The following RIC3 variants were observed in gnomAD, a reference collection of about 807,000 sequenced individuals.
RIC3 encodes the protein protein RIC-3.
RIC3 carries 28 observed loss-of-function variants against 27.3 expected under a neutral mutation model. That is an observed-to-expected ratio of 1.02 (90% CI 0.76 to 1.41). The LOEUF (loss-of-function observed/expected upper bound fraction) is 1.41. RIC3 is among the 40% of genes most tolerant of loss of function. RIC3 has a pLI of 0.00. For synonymous variants in RIC3, 184 were observed against 160.4 expected, an observed-to-expected ratio of 1.15 and a Z score of -1.11; for missense variants, 501 against 444.7, an observed-to-expected ratio of 1.13 and a Z score of -1.14.
chr11:8,139,835 G>A, intron 2 of RIC3, 132 bp downstream of exon 2: 2 of 756,432 alleles, frequency 2.6e-6, no homozygotes, highest in East Asian at 2.7e-5. Context: ...CTCATGAAGA[G>A]GAGGCAGGAT....
chr11:8,106,698 T>G lies in RIC3; in HGVS notation c.*4000A>C, dbSNP rs928085910. On this transcript the variant is annotated 3_prime_UTR_variant, in exon 6 of 6. Coordinates refer to ENST00000309737, the MANE Select transcript of RIC3 (RefSeq NM_001206671.4). ...GAGATGCTTAGGAATCTTTTTTTGT[T>G]GCCGGGCAGCTGTGGCAGATTTGAA... The G allele has an allele frequency of 5.9e-5, 9 of 152,360 alleles. No individual in the cohort carries two copies. The East Asian group carries it at 1.7e-3, about 29-fold the overall frequency. The allele number at this position is 152,360 out of a possible 1,614,324, so 9.4% of individuals were successfully genotyped here. A position where few individuals can be genotyped will look rare whatever the true frequency, so the allele number is the denominator to read the frequency against.
intron 1 of RIC3, among the ~76,000 whole-genome samples, chr11:8,168,508 A>G (rs1400556145): frequency 6.6e-6 from 1 of 152,200 alleles, no homozygotes; most frequent in East Asian, 1.9e-4. Flanking sequence ...AGGGAAACCC[A>G]ACTGGGAACC....
At chr11:8,157,663 G>A (rs924126748) in intron 1 of RIC3, among the ~76,000 whole-genome samples, 1 of 152,160 alleles carries the variant, frequency 6.6e-6, no homozygotes, top group Admixed American at 6.5e-5. Context: ...GACCTGATTT[G>A]GATGAATTAT....
At chr11:8,168,088 T>C (rs1951889011) in intron 1 of RIC3, among the ~76,000 whole-genome samples, 1 of 152,148 alleles carries the variant, frequency 6.6e-6, no homozygotes, top group Admixed American at 6.5e-5. Context: ...ACAAGGATAA[T>C]TTACAGGAGA....
intron 4 of RIC3, among the ~76,000 whole-genome samples, chr11:8,128,971 G>C (rs989149410): frequency 6.6e-6 from 1 of 151,712 alleles, no homozygotes; most frequent in Non-Finnish European, 1.5e-5. Context: ...AGCCAGGATG[G>C]TCTCAATCTC....
chr11:8,146,114 C>A (rs1949649865), intron 1 of RIC3, among the ~76,000 whole-genome samples: 1 of 152,104 alleles, frequency 6.6e-6, no homozygotes, highest in South Asian at 2.1e-4. Context: ...TTTGCTGTGA[C>A]AATAGTGTAG....
the RIC3 span, chr11:8,093,964 CTGGGG>C: frequency 1.1e-4 from 173 of 1,562,690 alleles, no homozygotes; most frequent in Non-Finnish European, 1.5e-4. Flanking sequence ...AAATGCTGTG[CTGGGG>C]ACTGTGTTCA....
the RIC3 span, among the ~76,000 whole-genome samples, chr11:8,099,698 A>C: frequency 6.6e-6 from 1 of 152,236 alleles, no homozygotes; most frequent in African/African-American, 2.4e-5. Context: ...CACTAAGAAG[A>C]AAAAGTAGGG....
chr11:8,126,338 G>T (rs1946988690), intron 5 of RIC3, among the ~76,000 whole-genome samples: 1 of 152,186 alleles, frequency 6.6e-6, no homozygotes, highest in Non-Finnish European at 1.5e-5. Flanking sequence ...AGAAGCCAAT[G>T]AGTATATGCA....
the RIC3 span, chr11:8,097,090 C>T: frequency 1.0e-6 from 1 of 959,942 alleles, no homozygotes; most frequent in Non-Finnish European, 1.6e-6. Context: ...GACCCCAGGC[C>T]CAGGCTGGCC....
chr11:8,111,948 G>A lies in RIC3; in HGVS notation c.671-811C>T, dbSNP rs187509908. On this transcript the variant is annotated intron_variant, in intron 5 of 5. Transcript: ENST00000309737. The stretch of plus-strand genomic sequence containing the variant: ...CACACCAGTACTGGCACCAGCGGCC[G>A]TAATCACGATACAGTGCAGAAAGCT... Among the ~76,000 whole-genome samples, 754 of 152,358 alleles carry A rather than the reference G, an allele frequency of 4.9e-3. 6 individuals carry two copies. The highest frequency in any genetic ancestry group is 6.2e-3 in the Non-Finnish European group (421 of 68,032).
downstream of RIC3, chr11:8,101,357 G>T: frequency 2.4e-6 from 3 of 1,251,816 alleles, no homozygotes; most frequent in Non-Finnish European, 3.4e-6. Context: ...ACTTCCCTTT[G>T]TGATTCCCCT....
rs574353354 is a variant in RIC3 at position 8,119,463 on chromosome 11, A to G, written c.670+7196T>C. 4.6e-5 allele frequency among the ~76,000 whole-genome samples: 7 copies of G among 152,350 alleles called. No homozygotes were observed. The East Asian group carries it at 1.3e-3, about 29-fold the overall frequency. On this transcript the variant is annotated intron_variant, in intron 5 of 5. Transcript: ENST00000309737. ...ACGGGGAAAGCATTCCCTATTTAATAAATGGTGCTGGGAAAACTGGCTAGC... is the reference window on the plus strand; with the variant it reads ...ACGGGGAAAGCATTCCCTATTTAATGAATGGTGCTGGGAAAACTGGCTAGC...
chr11:8,105,469 A>C (rs995140769), downstream of RIC3: 5 of 150,298 alleles, frequency 3.3e-5, no homozygotes, highest in Admixed American at 6.7e-5. Context: ...CGGGAGGGGC[A>C]GAACAGATAG....
chr11:8,140,377 G>A (rs1174395896), intron 1 of RIC3, among the ~76,000 whole-genome samples, 184 bp from the exon 2 acceptor site: 2 of 152,144 alleles, frequency 1.3e-5, no homozygotes, highest in African/African-American at 4.8e-5. Context: ...ATCTCTAGCT[G>A]TTCACCAAAC....
chr11:8,138,134 C>A, intron 3 of RIC3, 138 bp downstream of exon 3: 1 of 589,682 alleles, frequency 1.7e-6, no homozygotes. Context: ...ATTCCCAGAA[C>A]TAAGGCAAAA....
intron 1 of RIC3, among the ~76,000 whole-genome samples, chr11:8,141,805 G>T (rs1034143116): frequency 2.0e-5 from 3 of 152,012 alleles, no homozygotes; most frequent in African/African-American, 7.3e-5. Flanking sequence ...AAATGTAAAA[G>T]AACAGAGATT....
intron 4 of RIC3, among the ~76,000 whole-genome samples, chr11:8,129,655 C>T: frequency 6.6e-6 from 1 of 152,294 alleles, no homozygotes; most frequent in Non-Finnish European, 1.5e-5. Flanking sequence ...ATAAGCCCAG[C>T]AGAATCATCA....
Position 8,110,933 on chromosome 11 carries a change from G to C in RIC3, c.875C>G (p.Ser292Cys). ...TGGCTTTGGATCACACGAGGTAACA[G>C]AATTATCTTCCTGGGCTCTGGGGTC... is the stretch of plus-strand genomic sequence containing the variant. ...PTDPRAQEDN[S>C]VTSCDPKPET... The change falls in exon 6 of 6, where the codon TCT becomes TGT. Residue 292 changes from serine to cysteine, a missense_variant. By Grantham distance (112) the Ser-to-Cys change is moderately radical (BLOSUM62 -1). Coordinates refer to ENST00000309737, the MANE Select transcript of RIC3 (RefSeq NM_001206671.4). The C allele has an allele frequency of 4.3e-6, 7 of 1,614,174 alleles. No homozygotes were observed. Among genetic ancestry groups the C allele is most frequent in the Non-Finnish European group, 5.9e-6 (7 of 1,180,034 alleles).
Sources: gnomAD v4.1 joint callset for allele counts (sites outside exome capture counted in the v4.1 genomes callset) on GRCh38, gnomAD v4.1.1 for gene constraint, MANE v1.5 for transcripts, NCBI Gene and HGNC (gene_info 2026-07-23, HGNC 2026-07-21) for gene names.